FAM78B: variants seen among roughly 807,000 people sequenced by gnomAD.
FAM78B encodes the protein family with sequence similarity 78 member B.
In FAM78B, 10 loss-of-function variants were observed where a neutral mutation model predicts 20.0. The ratio of observed to expected loss-of-function variants is 0.50; its 90% confidence interval spans 0.31 to 0.85. The LOEUF is 0.85. Ranked by LOEUF, FAM78B falls within the 40% of genes least tolerant of loss-of-function variation. The pLI, the probability that FAM78B is intolerant of heterozygous loss-of-function variation, is 0.05. For synonymous variants in FAM78B, 135 were observed against 132.8 expected, an observed-to-expected ratio of 1.02 and a Z score of -0.12; for missense variants, 283 against 345.0, an observed-to-expected ratio of 0.82 and a Z score of 1.42.
chr1:166,084,323 T>C (rs539870824), intron 1 of FAM78B, among the ~76,000 whole-genome samples: 2 of 152,176 alleles, frequency 1.3e-5, no homozygotes, highest in South Asian at 2.1e-4. Context: ...TCTAAAAATA[T>C]CTGCTCTGGA....
At chr1:166,059,173 ATTGT>A (rs1312700833) in exon 3 of FAM78B, 2 of 152,668 alleles carry the variant, frequency 1.3e-5, no homozygotes, top group East Asian at 1.9e-4. Flanking sequence ...AAAGCTGGAA[ATTGT>A]TTGGGAGCAG....
chr1:166,090,683 C>G (rs1653031705), intron 1 of FAM78B, among the ~76,000 whole-genome samples: 1 of 152,194 alleles, frequency 6.6e-6, no homozygotes, highest in African/African-American at 2.4e-5. Flanking sequence ...CAGGCGACAA[C>G]AAGACTCATG....
intron 1 of FAM78B, among the ~76,000 whole-genome samples, chr1:166,127,201 T>C (rs998251387): frequency 6.6e-6 from 1 of 152,210 alleles, no homozygotes; most frequent in Non-Finnish European, 1.5e-5. Flanking sequence ...CTTTGAAAAG[T>C]GCTTGCAGTT....
intron 1 of FAM78B, among the ~76,000 whole-genome samples, chr1:166,072,308 C>T (rs752506368): frequency 6.6e-6 from 1 of 152,152 alleles, no homozygotes; most frequent in Non-Finnish European, 1.5e-5. Context: ...GCTTGGCTGC[C>T]TGGGGAGGAG....
intron 1 of FAM78B, among the ~76,000 whole-genome samples, chr1:166,110,624 T>G (rs939756388): frequency 3.9e-5 from 6 of 152,180 alleles, no homozygotes; most frequent in Non-Finnish European, 7.3e-5. Flanking sequence ...GGCTAGTGGC[T>G]TGGTGGGCAA....
At chr1:166,077,917 TATATAATAA>T in intron 1 of FAM78B, among the ~76,000 whole-genome samples, 1 of 1,720 alleles carries the variant, frequency 5.8e-4, no homozygotes, top group East Asian at 0.022. Flanking sequence ...TATAATTATA[TATATAATAA>T]ATATATAATA....
intron 1 of FAM78B, among the ~76,000 whole-genome samples, chr1:166,116,277 C>G (rs756845833): frequency 6.6e-6 from 1 of 152,178 alleles, no homozygotes; most frequent in Non-Finnish European, 1.5e-5. Flanking sequence ...TGACCAGAAC[C>G]AGAGATGGGA....
chr1:166,073,738 C>T (rs1282892458), intron 1 of FAM78B, among the ~76,000 whole-genome samples: 10 of 152,154 alleles, frequency 6.6e-5, no homozygotes. Context: ...CTCCATATGG[C>T]TCAAACTGAA....
At chr1:166,085,629 G>A (rs377413650) in intron 1 of FAM78B, among the ~76,000 whole-genome samples, 3 of 152,238 alleles carry the variant, frequency 2.0e-5, no homozygotes, top group East Asian at 3.8e-4. Context: ...GAGCAGGAGT[G>A]CAGGGCACTA....
intron 1 of FAM78B, among the ~76,000 whole-genome samples, chr1:166,100,655 G>A (rs186101998): frequency 6.8e-4 from 104 of 152,384 alleles, no homozygotes; most frequent in African/African-American, 2.4e-3. Context: ...AGGGGCGCCT[G>A]CCATTGCTGA....
chr1:166,078,057 G>A (rs1267906515), intron 1 of FAM78B, among the ~76,000 whole-genome samples: 1 of 146,288 alleles, frequency 6.8e-6, no homozygotes, highest in Non-Finnish European at 1.5e-5. Flanking sequence ...TTTTGAGATG[G>A]AGTCTCGCTC....
chr1:166,119,776 T>C (rs1654399056), intron 1 of FAM78B, among the ~76,000 whole-genome samples: 1 of 152,208 alleles, frequency 6.6e-6, no homozygotes, highest in Non-Finnish European at 1.5e-5. Flanking sequence ...AAAGGACGCG[T>C]GTCGTAAGTG....
At chr1:166,113,928 G>A (rs868832793) in intron 1 of FAM78B, among the ~76,000 whole-genome samples, 19 of 152,334 alleles carry the variant, frequency 1.2e-4, no homozygotes, top group Admixed American at 6.5e-4. Flanking sequence ...GTGAAAACCA[G>A]TGAAGGTCAA....
At chr1:166,071,529 G>A (rs12126452) in intron 1 of FAM78B, among the ~76,000 whole-genome samples, 4,262 of 152,068 alleles carry the variant, frequency 0.028, 77 homozygotes, top group Non-Finnish European at 0.041. Context: ...ACAGGAGGAG[G>A]AGGAGGAGGA....
At chr1:166,066,502 T>C (rs573914014), downstream of FAM78B, among the ~76,000 whole-genome samples, 1 of 152,306 alleles carries the variant, frequency 6.6e-6, no homozygotes, top group Admixed American at 6.5e-5. Context: ...TGGAAGGGCA[T>C]GGAAGTTGGA....
Position 166,103,171 on chromosome 1 carries a change from A to G in FAM78B, c.264-32408T>C, listed in dbSNP as rs143083844. 8.1e-3 allele frequency among the ~76,000 whole-genome samples: 1,238 copies of G among 152,362 alleles called. 26 individuals carry two copies. Among genetic ancestry groups the G allele is most frequent in the African/African-American group, 0.028 (1,168 of 41,574 alleles). On this transcript the variant is annotated intron_variant, in intron 1 of 1. Transcript: ENST00000354422. Reference sequence around the variant, plus strand: ...TTGAAACCAATGGGAACAAAGATACAACATACCAGAATCTCTGGGACACAT... The same window carrying G: ...TTGAAACCAATGGGAACAAAGATACGACATACCAGAATCTCTGGGACACAT...
At chr1:166,064,032 G>T (rs1651708927) in intron 2 of FAM78B, among the ~76,000 whole-genome samples, 1 of 152,176 alleles carries the variant, frequency 6.6e-6, no homozygotes, top group Admixed American at 6.5e-5. Flanking sequence ...AGGCCCAGCT[G>T]GGAGAGGCAC....
At chr1:166,073,811 G>A (rs1389019612) in intron 1 of FAM78B, among the ~76,000 whole-genome samples, 1 of 152,112 alleles carries the variant, frequency 6.6e-6, no homozygotes. Context: ...GTGGCCCACT[G>A]CTCACCCAAT....
At chr1:166,101,641 G>A (rs1444080558) in intron 1 of FAM78B, among the ~76,000 whole-genome samples, 2 of 152,184 alleles carry the variant, frequency 1.3e-5, no homozygotes, top group African/African-American at 4.8e-5. Flanking sequence ...GAAATGAAGT[G>A]AGAAGGAAGT....
Sources: gnomAD v4.1 joint callset for allele counts (sites outside exome capture counted in the v4.1 genomes callset) on GRCh38, gnomAD v4.1.1 for gene constraint, MANE v1.5 for transcripts, NCBI Gene and HGNC (gene_info 2026-07-23, HGNC 2026-07-21) for gene names.